The following KCNMA1 variants were observed in gnomAD, a reference collection of about 807,000 sequenced individuals.
The protein encoded by KCNMA1 is Calcium-activated potassium channel subunit alpha-1.
In KCNMA1, 29 loss-of-function variants were observed where a neutral mutation model predicts 140.0. The ratio of observed to expected loss-of-function variants is 0.21; its 90% confidence interval spans 0.15 to 0.28. KCNMA1 has a LOEUF of 0.28. Ranked by LOEUF, KCNMA1 falls within the 10% of genes least tolerant of loss-of-function variation. KCNMA1 has a pLI of 1.00. For missense variants in KCNMA1, 880 were observed against 1,602.2 expected, an observed-to-expected ratio of 0.55 and a Z score of 7.70; for synonymous variants, 612 against 611.9, an observed-to-expected ratio of 1.00 and a Z score of 0.00.
At chr10:77,506,594 A>T (rs141793287) in intron 1 of KCNMA1, among the ~76,000 whole-genome samples, 19,292 of 88,372 alleles carry the variant, frequency 0.22, 1,915 homozygotes, top group Middle Eastern at 0.33. Context: ...AGAGAGAGAG[A>T]GAGTGTGTGT....
rs370587179 is a variant in KCNMA1, at chr10:77,567,786, A to T, written c.378+69479T>A. On this transcript the variant is annotated intron_variant, in intron 1 of 27. Coordinates refer to ENST00000286628, the MANE Select transcript of KCNMA1 (RefSeq NM_001161352.2). ...CATTTAATCTGTAAAACTGTAAATT[A>T]TTTTTTTTAAAAAAACTGTCTTGGG... Among the ~76,000 whole-genome samples the T allele has an allele frequency of 2.1e-3, 259 of 124,424 alleles. 1 individual carries two copies. The highest frequency in any genetic ancestry group is 9.0e-3 in the Middle Eastern group (2 of 222). 81.6% of individuals were successfully genotyped at this position (124,424 alleles called of 152,430 possible). A position where few individuals can be genotyped will look rare whatever the true frequency, so the allele number is the denominator to read the frequency against.
At chr10:77,408,797 G>T (rs1293281348) in intron 1 of KCNMA1, among the ~76,000 whole-genome samples, 1 of 152,136 alleles carries the variant, frequency 6.6e-6, no homozygotes, top group East Asian at 1.9e-4. Context: ...CCTGAGAAAG[G>T]GATTCGGCCT....
intron 1 of KCNMA1, among the ~76,000 whole-genome samples, chr10:77,539,648 GA>G (rs1238985221): frequency 6.6e-6 from 1 of 152,186 alleles, no homozygotes; most frequent in East Asian, 1.9e-4. Context: ...AGCCACGGGT[GA>G]ATTCCCAGCC....
chr10:77,008,520 C>T (rs1162856806), intron 18 of KCNMA1, among the ~76,000 whole-genome samples: 1 of 152,152 alleles, frequency 6.6e-6, no homozygotes. Context: ...GAAATGCAAA[C>T]GTTAAACTAT....
chr10:77,235,656 G>A (rs542642011), intron 3 of KCNMA1, among the ~76,000 whole-genome samples: 1 of 152,094 alleles, frequency 6.6e-6, no homozygotes, highest in Non-Finnish European at 1.5e-5. Flanking sequence ...GGAATAAATC[G>A]CTTCGTTTTC....
intron 25 of KCNMA1, among the ~76,000 whole-genome samples, chr10:76,907,615 A>G (rs948286429): frequency 1.5e-4 from 23 of 152,134 alleles, no homozygotes; most frequent in African/African-American, 5.3e-4. Flanking sequence ...ATCATCTCAC[A>G]GCAACCTCCA....
At chr10:76,989,966 A>C (rs1322079057) in intron 19 of KCNMA1, among the ~76,000 whole-genome samples, 3 of 152,216 alleles carry the variant, frequency 2.0e-5, no homozygotes. Flanking sequence ...TCATATGTTA[A>C]TGAAGGATGA....
chr10:77,302,634 C>A (rs1298613372), intron 2 of KCNMA1, among the ~76,000 whole-genome samples: 1 of 152,162 alleles, frequency 6.6e-6, no homozygotes, highest in East Asian at 1.9e-4. Context: ...GATGAAACAG[C>A]TGTCAGCAGA....
At chr10:77,027,736 C>T (rs1464049199) in intron 16 of KCNMA1, 87 bp downstream of exon 16, 3 of 1,064,248 alleles carry the variant, frequency 2.8e-6, no homozygotes, top group Non-Finnish European at 4.4e-6. Context: ...AAATAATGCA[C>T]AAGAAAGCAG....
intron 5 of KCNMA1, among the ~76,000 whole-genome samples, chr10:77,180,083 C>T (rs551469888): frequency 7.9e-5 from 12 of 152,296 alleles, no homozygotes; most frequent in Middle Eastern, 3.4e-3. Context: ...AGCCAGCTAC[C>T]GCACAGTCCT....
downstream of KCNMA1, chr10:76,874,668 TTCAA>T (rs1407578744): frequency 6.6e-6 from 1 of 152,212 alleles, no homozygotes; most frequent in Non-Finnish European, 1.5e-5. Flanking sequence ...ATTTAAAATC[TTCAA>T]TCAATTTTTT....
rs1329519981 is a variant in KCNMA1 at position 77,438,409 on chromosome 10, C to G, written c.379-34386G>C. ...AGAAACCCCGTCTCTACTAAAAATA[C>G]AAAATTAGCCGGGCGTGGTGGTGCA... On this transcript the variant is annotated intron_variant, in intron 1 of 27. Transcript: ENST00000286628. 3.3e-5 allele frequency among the ~76,000 whole-genome samples: 5 copies of G among 151,718 alleles called. 1 individual carries two copies. In the South Asian group the frequency reaches 1.0e-3, roughly 32 times the overall value.
intron 16 of KCNMA1, among the ~76,000 whole-genome samples, chr10:77,022,715 T>A (rs1356107713): frequency 1.3e-5 from 2 of 152,174 alleles, no homozygotes; most frequent in Admixed American, 6.5e-5. Flanking sequence ...AAAAAATAAG[T>A]TTTTAAAGCC....
At chr10:77,622,373 T>C (rs2091610682) in intron 1 of KCNMA1, among the ~76,000 whole-genome samples, 1 of 152,164 alleles carries the variant, frequency 6.6e-6, no homozygotes, top group African/African-American at 2.4e-5. Flanking sequence ...ATAAATGAGG[T>C]GTACAGTGTG....
At position 77,253,063 on chromosome 10, in the gene KCNMA1, C is replaced by T. The variant is rs866255624; in HGVS notation, c.541-1807G>A. On this transcript the variant is annotated intron_variant, in intron 2 of 27. Transcript: ENST00000286628. ...GCAAACAAAAACATGAGCAGGCCTT[C>T]GCTTTTTCCTCTATTATCTAAAGGA... Among the ~76,000 whole-genome samples the T allele has an allele frequency of 4.6e-5, 7 of 152,146 alleles. No homozygotes were observed. In the South Asian group the frequency reaches 6.2e-4, roughly 14 times the overall value.
chr10:77,499,400 C>T (rs975131026), intron 1 of KCNMA1, among the ~76,000 whole-genome samples: 4 of 113,918 alleles, frequency 3.5e-5, no homozygotes, highest in Non-Finnish European at 5.1e-5. Context: ...GCTCAGTAGG[C>T]ATGTATATAT....
chr10:76,945,077 T>TGAGTCGGAGCTTTGGGAAATTATTTAAC, intron 22 of KCNMA1, 112 bp from the exon 23 acceptor site: 1 of 896,426 alleles, frequency 1.1e-6, no homozygotes. Context: ...AATTAAAGAT[T>TGAGTCGGAGCTTTGGGAAATTATTTAAC]GAGTCGGAGC....
chr10:77,444,557 C>T (rs1456749682), intron 1 of KCNMA1, among the ~76,000 whole-genome samples: 1 of 152,188 alleles, frequency 6.6e-6, no homozygotes, highest in East Asian at 1.9e-4. Flanking sequence ...CAATTATATT[C>T]ACTATCCTAT....
chr10:77,072,813 T>G (rs943732174), intron 14 of KCNMA1, among the ~76,000 whole-genome samples: 1 of 152,178 alleles, frequency 6.6e-6, no homozygotes, highest in African/African-American at 2.4e-5. Flanking sequence ...CATATTTTTG[T>G]TTTAACAGCG....
Sources: allele counts gnomAD v4.1 joint callset (sites outside exome capture counted in the v4.1 genomes callset), GRCh38; gene constraint gnomAD v4.1.1; transcripts MANE v1.5; gene names NCBI Gene and HGNC (gene_info 2026-07-23, HGNC 2026-07-21).